Variants in DERA observed in about 807,000 individuals in gnomAD.
The protein encoded by DERA is deoxyribose-phosphate aldolase.
A neutral mutation model predicts 41.1 loss-of-function variants in DERA; 15 were observed. The observed-to-expected ratio is 0.37, with a 90% CI of 0.24 to 0.56. The LOEUF is 0.56. Ranked by LOEUF, DERA falls within the 20% of genes least tolerant of loss-of-function variation. DERA has a pLI of 0.81. For missense variants in DERA, 396 were observed against 403.4 expected, an observed-to-expected ratio of 0.98 and a Z score of 0.16; for synonymous variants, 139 against 137.4, an observed-to-expected ratio of 1.01 and a Z score of -0.08.
chr12:15,991,096 T>C (rs1231339077), intron 6 of DERA, among the ~76,000 whole-genome samples: 1 of 152,188 alleles, frequency 6.6e-6, no homozygotes, highest in East Asian at 1.9e-4. Context: ...AGGTCCTTTT[T>C]CTCCACAACC....
chr12:15,981,683 G>A lies in DERA; in HGVS notation c.509-625G>A, dbSNP rs533107443. On this transcript the variant is annotated intron_variant, in intron 5 of 8. Coordinates refer to ENST00000428559, the MANE Select transcript of DERA (RefSeq NM_015954.4). This position sits in a 1 kb window ranked among gnomAD's most constrained non-coding sequence, Gnocchi z 6.1. ...TGTGGTACTGGGGTCATGGGCTCAG[G>A]GGTTAACAGATTTAAGGCAGCATCT... 6.6e-6 allele frequency among the ~76,000 whole-genome samples: 1 copy of A among 152,218 alleles called. No individual in the cohort carries two copies. The highest frequency in any genetic ancestry group is 6.5e-5 in the Admixed American group (1 of 15,292).
Position 15,954,188 on chromosome 12 carries a change from A to T in DERA, c.32-2748A>T, listed in dbSNP as rs1166669474. ...TCCCATATTTTCTTGTAGAGATCCA[A>T]AAGCCCTTTCTAGTCTGAAGCAGTG... is the stretch of plus-strand genomic sequence containing the variant. On this transcript the variant is annotated intron_variant, in intron 1 of 8. Coordinates refer to ENST00000428559, the MANE Select transcript of DERA (RefSeq NM_015954.4). This position sits in a 1 kb window ranked among gnomAD's most constrained non-coding sequence, Gnocchi z 4.0. Among the ~76,000 whole-genome samples the T allele has an allele frequency of 6.6e-6, 1 of 152,212 alleles. No individual in the cohort carries two copies. Among genetic ancestry groups the T allele is most frequent in the Admixed American group, 6.5e-5 (1 of 15,282 alleles).
chr12:15,925,881 A>G lies in DERA; in HGVS notation c.31+14467A>G, dbSNP rs539255601. On this transcript the variant is annotated intron_variant, in intron 1 of 8. Transcript: ENST00000428559. The stretch of plus-strand genomic sequence containing the variant: ...CTTACTCTGTCACCCAGGCTGGAGT[A>G]CAATGGCACGATCTCGGCTCACTGC... Among the ~76,000 whole-genome samples the G allele has an allele frequency of 1.4e-4, 18 of 132,564 alleles. No homozygotes were observed. In the South Asian group the frequency reaches 4.2e-3, roughly 31 times the overall value. The allele number at this position is 132,564 out of a possible 152,430, so 87.0% of individuals were successfully genotyped here. A position where few individuals can be genotyped will look rare whatever the true frequency, so the allele number is the denominator to read the frequency against.
At chr12:15,955,253 CGTACCACT>C (rs994542066) in intron 1 of DERA, among the ~76,000 whole-genome samples, 2 of 150,818 alleles carry the variant, frequency 1.3e-5, no homozygotes, top group Admixed American at 1.3e-4. Context: ...GAGCCAAGAT[CGTACCACT>C]GCATTCCAGC....
chr12:15,912,637 T>C (rs1037045500), intron 1 of DERA, among the ~76,000 whole-genome samples: 1 of 152,200 alleles, frequency 6.6e-6, no homozygotes, highest in African/African-American at 2.4e-5. Context: ...TAGTTTGGTA[T>C]ATTGTGGACA....
rs967285608 is a variant in DERA at position 16,013,536 on chromosome 12, TC to T, written c.638-19002del. 6.6e-5 allele frequency among the ~76,000 whole-genome samples: 10 copies of T among 152,330 alleles called. No homozygotes were observed. In the East Asian group the frequency reaches 1.9e-3, roughly 29 times the overall value. On this transcript the variant is annotated intron_variant, in intron 6 of 8. Transcript: ENST00000428559. The surrounding 1 kb of genome is among the most constrained non-coding windows in gnomAD (Gnocchi z 5.8). ...CCATGATTGTAAGTTTCCTGAGGCCTCCCCAGCCATGCTGAACTGTGAGTCA... is the reference window on the plus strand; with the variant it reads ...CCATGATTGTAAGTTTCCTGAGGCCTCCCAGCCATGCTGAACTGTGAGTCA...
Position 15,983,789 on chromosome 12 carries a change from T to C in DERA, c.637+1353T>C, listed in dbSNP as rs1251621176. On this transcript the variant is annotated intron_variant, in intron 6 of 8. Transcript: ENST00000428559. The surrounding 1 kb of genome is among the most constrained non-coding windows in gnomAD (Gnocchi z 6.2). ...GGAACTCTACTGAAAATCAGCCTAC[T>C]AGTCAGCAATGGTGCTGTTGCTCTG... 6.6e-6 allele frequency among the ~76,000 whole-genome samples: 1 copy of C among 152,232 alleles called. No individual in the cohort carries two copies. Among genetic ancestry groups the C allele is most frequent in the Admixed American group, 6.5e-5 (1 of 15,290 alleles).
At chr12:15,916,572 T>G (rs1948201734) in intron 1 of DERA, among the ~76,000 whole-genome samples, 1 of 150,844 alleles carries the variant, frequency 6.6e-6, no homozygotes, top group Admixed American at 6.6e-5. Flanking sequence ...AGTCTCAGCC[T>G]TCTGAGTAGC....
At position 15,984,776 on chromosome 12, in the gene DERA, A is replaced by G. The variant is rs939608084; in HGVS notation, c.637+2340A>G. Among the ~76,000 whole-genome samples the G allele has an allele frequency of 6.6e-6, 1 of 152,236 alleles. No homozygotes were observed. Among genetic ancestry groups the G allele is most frequent in the African/African-American group, 2.4e-5 (1 of 41,466 alleles). On this transcript the variant is annotated intron_variant, in intron 6 of 8. Transcript: ENST00000428559. This position sits in a 1 kb window ranked among gnomAD's most constrained non-coding sequence, Gnocchi z 4.5. ...GCATGTAGCATACTTCCTGGCCTAT[A>G]GTTTATACTTCCTACTCTGTTAAGA...
rs1432487584 is a variant in DERA, at chr12:15,989,062, G to T, written c.637+6626G>T. ...GGGACCAGGTACTTCTGAGCCTGCA[G>T]GGGTAGAGGGCTTCCCAGGCTTCTA... On this transcript the variant is annotated intron_variant, in intron 6 of 8. Coordinates refer to ENST00000428559, the MANE Select transcript of DERA (RefSeq NM_015954.4). This position sits in a 1 kb window ranked among gnomAD's most constrained non-coding sequence, Gnocchi z 5.2. Among the ~76,000 whole-genome samples the T allele has an allele frequency of 6.6e-6, 1 of 152,236 alleles. No individual in the cohort carries two copies. Among genetic ancestry groups the T allele is most frequent in the East Asian group, 1.9e-4 (1 of 5,182 alleles).
chr12:16,002,210 A>G (rs1338562307), intron 6 of DERA, among the ~76,000 whole-genome samples: 3 of 137,716 alleles, frequency 2.2e-5, no homozygotes, highest in Non-Finnish European at 4.5e-5. Context: ...TTCAATTCCC[A>G]CCTATGAGTG....
intron 6 of DERA, among the ~76,000 whole-genome samples, chr12:16,031,797 C>T (rs974804825): frequency 2.0e-5 from 3 of 152,156 alleles, no homozygotes; most frequent in Non-Finnish European, 4.4e-5. Context: ...AAGTAGAGAT[C>T]GTATTACTAT....
At chr12:15,986,045 T>C (rs529184040) in intron 6 of DERA, among the ~76,000 whole-genome samples, 14 of 152,288 alleles carry the variant, frequency 9.2e-5, no homozygotes, top group African/African-American at 2.6e-4. Context: ...TATATATACC[T>C]TTAGGATTGT....
intron 1 of DERA, among the ~76,000 whole-genome samples, chr12:15,955,842 A>T (rs910429719): frequency 6.6e-6 from 1 of 152,250 alleles, no homozygotes; most frequent in African/African-American, 2.4e-5. Context: ...TCATTGCATT[A>T]TAAAGAGTTT....
At position 15,936,350 on chromosome 12, in the gene DERA, CAT is replaced by C. The variant is rs944209096; in HGVS notation, c.32-20581_32-20580del. On this transcript the variant is annotated intron_variant, in intron 1 of 8. Coordinates refer to ENST00000428559, the MANE Select transcript of DERA (RefSeq NM_015954.4). This position sits in a 1 kb window ranked among gnomAD's most constrained non-coding sequence, Gnocchi z 4.6. ...AAGTAGGACTAGTATAAAGAACACTCATATATCTGTCATGACCTAACACATTA... is the reference window on the plus strand; with the variant it reads ...AAGTAGGACTAGTATAAAGAACACTCATATCTGTCATGACCTAACACATTA... Among the ~76,000 whole-genome samples, 3 of 152,200 alleles carry C rather than the reference CAT, an allele frequency of 2.0e-5. No individual in the cohort carries two copies. Among genetic ancestry groups the C allele is most frequent in the East Asian group, 1.9e-4 (1 of 5,200 alleles).
At position 15,922,556 on chromosome 12, in the gene DERA, C is replaced by T. The variant is rs886143226; in HGVS notation, c.31+11142C>T. Reference sequence around the variant, plus strand: ...CATTGATGCTGATAATACTGAAGACCGTCTGAAAGAAAAGCATCCTAGAGA... The same window carrying T: ...CATTGATGCTGATAATACTGAAGACTGTCTGAAAGAAAAGCATCCTAGAGA... On this transcript the variant is annotated intron_variant, in intron 1 of 8. Transcript: ENST00000428559. This position sits in a 1 kb window ranked among gnomAD's most constrained non-coding sequence, Gnocchi z 4.9. Among the ~76,000 whole-genome samples the T allele has an allele frequency of 5.9e-5, 9 of 152,092 alleles. No individual in the cohort carries two copies. Among genetic ancestry groups the T allele is most frequent in the Admixed American group, 2.6e-4 (4 of 15,274 alleles).
At chr12:15,950,484 T>C (rs185244486) in intron 1 of DERA, among the ~76,000 whole-genome samples, 39 of 152,338 alleles carry the variant, frequency 2.6e-4, no homozygotes, top group Non-Finnish European at 5.0e-4. Context: ...CTTTATGACC[T>C]GTATTTTGTG....
In DERA at chr12:15,985,372, T is replaced by C. The variant is rs953249693; in HGVS notation, c.637+2936T>C. 5 of 152,236 alleles carry C rather than the reference T, an allele frequency of 3.3e-5. No homozygotes were observed. Among genetic ancestry groups the C allele is most frequent in the Non-Finnish European group, 7.3e-5 (5 of 68,040 alleles). 9.4% of individuals were successfully genotyped at this position (152,236 alleles called of 1,614,324 possible). A position where few individuals can be genotyped will look rare whatever the true frequency, so the allele number is the denominator to read the frequency against. On this transcript the variant is annotated intron_variant, in intron 6 of 8. Coordinates refer to ENST00000428559, the MANE Select transcript of DERA (RefSeq NM_015954.4). This position sits in a 1 kb window ranked among gnomAD's most constrained non-coding sequence, Gnocchi z 4.2. Reference sequence around the variant, plus strand: ...TGAGTTGCTAAAATTGTTGGCATAATGTTGTTTATAATATGTTCTTCCATT... The same window carrying C: ...TGAGTTGCTAAAATTGTTGGCATAACGTTGTTTATAATATGTTCTTCCATT...
intron 5 of DERA, among the ~76,000 whole-genome samples, chr12:15,978,371 G>A (rs111497580): frequency 0.017 from 2,628 of 152,136 alleles, 80 homozygotes; most frequent in African/African-American, 0.06. Flanking sequence ...TTTTTTGTTC[G>A]TTAAAGTTAT....
Sources: allele counts gnomAD v4.1 joint callset (sites outside exome capture counted in the v4.1 genomes callset), GRCh38; gene constraint gnomAD v4.1.1; non-coding constraint Gnocchi (gnomAD v3.1); transcripts MANE v1.5; gene names NCBI Gene and HGNC (gene_info 2026-07-23, HGNC 2026-07-21).